Variants in LAMA1 observed in about 807,000 individuals in gnomAD.
LAMA1 encodes laminin subunit alpha 1, also known as laminin subunit alpha-1.
Under a neutral mutation model 348.7 loss-of-function variants are expected in LAMA1, and 219 were observed. The ratio of observed to expected loss-of-function variants is 0.63; its 90% CI spans 0.56 to 0.70. The LOEUF is 0.70. LAMA1 is among the 30% of genes least tolerant of loss of function. The probability of loss-of-function intolerance (pLI) is 0.00; values close to 1 mark genes in which losing one functional copy is unlikely to be tolerated. For synonymous variants in LAMA1, 1,487 were observed against 1,491.0 expected, an observed-to-expected ratio of 1.00 and a Z score of 0.06; for missense variants, 3,744 against 3,888.0, an observed-to-expected ratio of 0.96 and a Z score of 0.99.
chr18:6,993,856 C>G (rs2057769155), intron 34 of LAMA1, 104 bp from the exon 35 acceptor site: 1 of 756,960 alleles, frequency 1.3e-6, no homozygotes, highest in African/African-American at 1.7e-5. Context: ...TTATAAGCAA[C>G]AACATATATT....
chr18:6,973,479 T>C (rs990145300), intron 46 of LAMA1, among the ~76,000 whole-genome samples: 2 of 152,158 alleles, frequency 1.3e-5, no homozygotes, highest in Non-Finnish European at 2.9e-5. Flanking sequence ...GTAAATATTA[T>C]CCCATTTTGT....
At position 6,985,559 on chromosome 18, in the gene LAMA1, C is replaced by T. The variant is rs1409386727; in HGVS notation, c.5464G>A (p.Ala1822Thr). The change falls in exon 38 of 63, where the codon GCA (alanine) becomes ACA (threonine). Residue 1822 changes from alanine to threonine, a missense_variant. Ala to Thr is a moderately conservative substitution (Grantham distance 58). Coordinates refer to ENST00000389658, the MANE Select transcript of LAMA1 (RefSeq NM_005559.4). ...GCATCTTGTACAGCATCTGTTTGTG[C>T]AGCAGCAGCATCTATCAATCCTCTT... Reference protein sequence around the residue: ...QGRGLIDAAAAQTDAVQDALE... With the variant: ...QGRGLIDAAATQTDAVQDALE... 1 of 1,613,634 alleles carries T rather than the reference C, an allele frequency of 6.2e-7. No individual in the cohort carries two copies. Among genetic ancestry groups the T allele is most frequent in the African/African-American group, 1.3e-5 (1 of 75,020 alleles).
intron 3 of LAMA1, among the ~76,000 whole-genome samples, chr18:7,067,965 T>C (rs1274441681): frequency 6.6e-6 from 1 of 152,146 alleles, no homozygotes; most frequent in Non-Finnish European, 1.5e-5. Context: ...GCGATTCTCC[T>C]GGCTCAGCCT....
At chr18:7,037,510 G>T (rs1024798134) in intron 12 of LAMA1, 68 bp downstream of exon 12, 1 of 1,574,334 alleles carries the variant, frequency 6.4e-7, no homozygotes, top group Non-Finnish European at 8.7e-7. Flanking sequence ...TGCAGGCAGC[G>T]CAAGTTCTTT....
At chr18:7,112,694 T>C (rs954564633) in intron 1 of LAMA1, among the ~76,000 whole-genome samples, 3 of 151,246 alleles carry the variant, frequency 2.0e-5, no homozygotes, top group East Asian at 3.9e-4. Flanking sequence ...TGGAATGCAA[T>C]GGCACGATCT....
Position 6,950,952 on chromosome 18 carries a change from T to C in LAMA1, c.8227A>G (p.Ile2743Val), listed in dbSNP as rs767473694. 3 of 1,613,876 alleles carry C rather than the reference T, an allele frequency of 1.9e-6. No homozygotes were observed. The highest frequency in any genetic ancestry group is 2.5e-6 in the Non-Finnish European group (3 of 1,179,994). ...VRKKLSVELS[I>V]RTFASSGLIY... ...AGGCCGCTGGAGGCGAACGTGCGGA[T>C]GCTTAGCTCAACCGAGAGCCTGGGG... The change falls in exon 58 of 63, where the codon ATC becomes GTC. Residue 2743 changes from isoleucine (I) to valine (V), a missense_variant. Transcript: ENST00000389658.
chr18:7,077,303 G>A (rs1042888173), intron 3 of LAMA1, among the ~76,000 whole-genome samples: 1 of 148,770 alleles, frequency 6.7e-6, no homozygotes, highest in East Asian at 2.0e-4. Flanking sequence ...CTGGGTTCAC[G>A]CCATTCTCCT....
rs375209349 is a variant in LAMA1 at position 7,044,853 on chromosome 18, A to G, written c.859-14T>C. 31 of 1,565,910 alleles carry G rather than the reference A, an allele frequency of 2.0e-5. No individual in the cohort carries two copies. In the African/African-American group the frequency reaches 3.6e-4, roughly 18 times the overall value. Reference sequence around the variant, plus strand: ...ACACTGCAGTTTCTACACAATAAGGAAGCCAAAACTGAATTAGAAAATGTA... The same window carrying G: ...ACACTGCAGTTTCTACACAATAAGGGAGCCAAAACTGAATTAGAAAATGTA... On this transcript the variant is annotated splice_polypyrimidine_tract_variant and intron_variant, in intron 6 of 62. Transcript: ENST00000389658.
intron 1 of LAMA1, among the ~76,000 whole-genome samples, chr18:7,111,505 T>G (rs1390291835): frequency 1.3e-5 from 2 of 152,214 alleles, no homozygotes; most frequent in Non-Finnish European, 2.9e-5. Context: ...CTCTGGGCAC[T>G]GTCACACCCA....
At chr18:7,090,724 G>C (rs1307367023) in intron 1 of LAMA1, among the ~76,000 whole-genome samples, 1 of 144,564 alleles carries the variant, frequency 6.9e-6, no homozygotes, top group Admixed American at 6.9e-5. Context: ...GGAAGGGAGG[G>C]AGAGAGGGAG....
At chr18:7,078,455 C>T (rs961613790) in intron 3 of LAMA1, among the ~76,000 whole-genome samples, 2 of 151,842 alleles carry the variant, frequency 1.3e-5, no homozygotes, top group Non-Finnish European at 2.9e-5. Flanking sequence ...CGTGAGCCAC[C>T]GCACCTGGCT....
intron 19 of LAMA1, among the ~76,000 whole-genome samples, chr18:7,018,858 G>A (rs1464613656): frequency 6.6e-6 from 1 of 152,184 alleles, no homozygotes; most frequent in African/African-American, 2.4e-5. Context: ...ACATGGGAAG[G>A]TCAGGGGCAG....
chr18:6,983,324 G>A, intron 39 of LAMA1, 90 bp from the exon 40 acceptor site: 2 of 1,325,428 alleles, frequency 1.5e-6, no homozygotes, highest in Non-Finnish European at 2.2e-6. Context: ...TACCAGTTTT[G>A]AAAGCCTCCT....
chr18:7,103,472 T>C (rs73376886), intron 1 of LAMA1, among the ~76,000 whole-genome samples: 3,237 of 151,846 alleles, frequency 0.021, 95 homozygotes, highest in African/African-American at 0.074. Flanking sequence ...CCATTCTCTT[T>C]CTTAGTCTGG....
chr18:6,985,682 G>T, intron 37 of LAMA1, 39 bp from the exon 38 acceptor site: 1 of 1,352,710 alleles, frequency 7.4e-7, no homozygotes, highest in Non-Finnish European at 1.1e-6. Context: ...CTTCATAAAA[G>T]CAACCCTGCT....
intron 3 of LAMA1, among the ~76,000 whole-genome samples, chr18:7,061,090 C>A (rs540470803): frequency 6.6e-6 from 1 of 152,062 alleles, no homozygotes; most frequent in Non-Finnish European, 1.5e-5. Flanking sequence ...CCTGGGAGGT[C>A]GAGGCTGCAG....
intron 37 of LAMA1, 126 bp from the exon 38 acceptor site, chr18:6,985,769 T>A: frequency 1.4e-6 from 1 of 696,488 alleles, no homozygotes; most frequent in African/African-American, 1.8e-5. Flanking sequence ...AAAGTTATTT[T>A]CATTTTTTGA....
chr18:7,080,618 T>C (rs1463114544), intron 1 of LAMA1, among the ~76,000 whole-genome samples, 161 bp from the exon 2 acceptor site: 1 of 152,220 alleles, frequency 6.6e-6, no homozygotes, highest in Admixed American at 6.5e-5. Flanking sequence ...GTTTCATCTA[T>C]ATGAAATTCT....
At chr18:7,073,822 TTG>T (rs112415914) in intron 3 of LAMA1, among the ~76,000 whole-genome samples, 55 of 139,456 alleles carry the variant, frequency 3.9e-4, no homozygotes, top group East Asian at 1.5e-3. Context: ...ACCATACTGG[TTG>T]TGTGTGTGTG....
Sources: gnomAD v4.1 joint callset for allele counts (sites outside exome capture counted in the v4.1 genomes callset) on GRCh38, gnomAD v4.1.1 for gene constraint, MANE v1.5 for transcripts, NCBI Gene and HGNC (gene_info 2026-07-23, HGNC 2026-07-21) for gene names.